The following TBC1D19 variants were observed in gnomAD, a reference collection of about 807,000 sequenced individuals.
TBC1D19 encodes the protein TBC1 domain family, member 19.
A neutral mutation model predicts 89.0 loss-of-function variants in TBC1D19; 60 were observed. That is an observed-to-expected ratio of 0.67 (90% CI 0.55 to 0.84). The LOEUF is 0.84. Ranked by LOEUF, TBC1D19 falls within the 40% of genes least tolerant of loss-of-function variation. The probability of loss-of-function intolerance (pLI) is 0.00; values close to 1 mark genes in which losing one functional copy is unlikely to be tolerated. For missense variants in TBC1D19, 500 were observed against 610.8 expected (o/e 0.82, Z 1.91); for synonymous variants, 189 against 199.7 (o/e 0.95, Z 0.45).
At chr4:26,852,121 TC>T in the TBC1D19 span, among the ~76,000 whole-genome samples, 6 of 152,248 alleles carry the variant, frequency 3.9e-5, no homozygotes, top group African/African-American at 1.4e-4. Flanking sequence ...GTTTCTACTG[TC>T]CTTCTGCCAT....
intron 13 of TBC1D19, among the ~76,000 whole-genome samples, chr4:26,697,005 G>C (rs532958529): frequency 3.9e-5 from 6 of 152,160 alleles, no homozygotes; most frequent in African/African-American, 1.4e-4. Flanking sequence ...AAATAACTAA[G>C]ATCAGAGAAG....
chr4:26,646,402 G>A (rs1743954492), intron 7 of TBC1D19, among the ~76,000 whole-genome samples: 1 of 152,152 alleles, frequency 6.6e-6, no homozygotes, highest in Non-Finnish European at 1.5e-5. Flanking sequence ...TAGACAGTGT[G>A]GTGATTCCTC....
At chr4:26,618,876 T>C (rs188075193) in intron 3 of TBC1D19, among the ~76,000 whole-genome samples, 5 of 152,252 alleles carry the variant, frequency 3.3e-5, no homozygotes, top group African/African-American at 9.6e-5. Context: ...TTAGGGAGAC[T>C]TGGGGGACAA....
intron 18 of TBC1D19, among the ~76,000 whole-genome samples, chr4:26,742,933 C>T (rs1372701966): frequency 6.6e-6 from 1 of 152,068 alleles, no homozygotes; most frequent in East Asian, 1.9e-4. Flanking sequence ...GAAACATGAT[C>T]ATACTAAACT....
intron 7 of TBC1D19, among the ~76,000 whole-genome samples, chr4:26,659,250 AGATTTTTT>A (rs1338533388): frequency 6.6e-6 from 1 of 152,146 alleles, no homozygotes; most frequent in Admixed American, 6.5e-5. Context: ...CAATCAAGCA[AGATTTTTT>A]TCTTATCACC....
At chr4:26,852,871 G>A in the TBC1D19 span, among the ~76,000 whole-genome samples, 4 of 152,194 alleles carry the variant, frequency 2.6e-5, no homozygotes, top group African/African-American at 7.2e-5. Context: ...CACCTGCTTC[G>A]GCCTCCCAAA....
At chr4:26,601,015 CAATT>C (rs773166891) in intron 1 of TBC1D19, among the ~76,000 whole-genome samples, 4 of 152,052 alleles carry the variant, frequency 2.6e-5, no homozygotes, top group African/African-American at 7.3e-5. Flanking sequence ...AAGTACAAAA[CAATT>C]AAGCTCATGA....
the TBC1D19 span, among the ~76,000 whole-genome samples, chr4:26,815,270 A>G: frequency 6.6e-6 from 1 of 152,184 alleles, no homozygotes; most frequent in Non-Finnish European, 1.5e-5. Flanking sequence ...CTTTCCTTTA[A>G]TCACAGAAGC....
chr4:26,577,727 G>A (rs879346246), intron 1 of TBC1D19, among the ~76,000 whole-genome samples: 6 of 152,142 alleles, frequency 3.9e-5, no homozygotes, highest in Non-Finnish European at 5.9e-5. Context: ...AATGGCTGTG[G>A]GCCACTGGAT....
the TBC1D19 span, among the ~76,000 whole-genome samples, chr4:26,845,117 G>A: frequency 1.3e-5 from 2 of 152,188 alleles, no homozygotes; most frequent in Admixed American, 6.5e-5. Context: ...AGTACAGGAA[G>A]GTGGTGGAGA....
intron 7 of TBC1D19, among the ~76,000 whole-genome samples, chr4:26,656,051 C>T (rs1744780850): frequency 6.6e-6 from 1 of 151,754 alleles, no homozygotes; most frequent in African/African-American, 2.4e-5. Context: ...TTTTTTTTCT[C>T]TCTAGAGTTT....
intron 16 of TBC1D19, among the ~76,000 whole-genome samples, chr4:26,737,785 TA>T (rs1203024278): frequency 6.6e-6 from 1 of 152,112 alleles, no homozygotes; most frequent in Non-Finnish European, 1.5e-5. Flanking sequence ...TTAGTTACTA[TA>T]TTTCTTTAAA....
the TBC1D19 span, among the ~76,000 whole-genome samples, chr4:26,792,330 CA>C: frequency 2.0e-5 from 3 of 152,036 alleles, no homozygotes; most frequent in Admixed American, 6.6e-5. Flanking sequence ...GGGCAGATAA[CA>C]GCATTAGATT....
chr4:26,794,322 A>C, the TBC1D19 span, among the ~76,000 whole-genome samples: 2 of 152,202 alleles, frequency 1.3e-5, no homozygotes, highest in African/African-American at 4.8e-5. Context: ...GAAATTAGTA[A>C]GACAAAATCA....
chr4:26,809,959 T>C, the TBC1D19 span, among the ~76,000 whole-genome samples: 1 of 152,242 alleles, frequency 6.6e-6, no homozygotes, highest in African/African-American at 2.4e-5. Flanking sequence ...TCACTCACTG[T>C]TCTTGTACAT....
chr4:26,788,346 A>G, the TBC1D19 span, among the ~76,000 whole-genome samples: 665 of 152,278 alleles, frequency 4.4e-3, 2 homozygotes, highest in African/African-American at 0.015. Context: ...AAGTGCCTAG[A>G]ATCCACCTCT....
chr4:26,799,678 A>AGG, the TBC1D19 span, among the ~76,000 whole-genome samples: 1 of 152,288 alleles, frequency 6.6e-6, no homozygotes, highest in East Asian at 1.9e-4. Flanking sequence ...CTGCCATGTG[A>AGG]GGACACAGAA....
the TBC1D19 span, among the ~76,000 whole-genome samples, chr4:26,796,172 G>C: frequency 6.6e-6 from 1 of 152,136 alleles, no homozygotes; most frequent in Admixed American, 6.5e-5. Context: ...GTTACGAAAA[G>C]CAATGTTCCA....
the TBC1D19 span, among the ~76,000 whole-genome samples, chr4:26,855,048 G>A: frequency 1.3e-5 from 2 of 152,214 alleles, no homozygotes; most frequent in African/African-American, 4.8e-5. Context: ...GGCATCGTGA[G>A]AGACTGAGCA....
Sources: allele counts gnomAD v4.1 joint callset (sites outside exome capture counted in the v4.1 genomes callset), GRCh38; gene constraint gnomAD v4.1.1; transcripts MANE v1.5; gene names NCBI Gene and HGNC (gene_info 2026-07-23, HGNC 2026-07-21).